The following VPS8 variants were observed in gnomAD, a reference collection of about 807,000 sequenced individuals.
The protein encoded by VPS8 is vacuolar protein sorting-associated protein 8 homolog.
In VPS8, 129 loss-of-function variants were observed where a neutral mutation model predicts 216.4. That is an observed-to-expected ratio of 0.60 (90% CI 0.52 to 0.69). The LOEUF (loss-of-function observed/expected upper bound fraction) is 0.69. Among genes scored for constraint, VPS8 ranks in the 30% least tolerant of loss-of-function variants. The pLI is 0.00. For missense variants in VPS8, 1,531 were observed against 1,683.5 expected, an observed-to-expected ratio of 0.91 and a Z score of 1.59; for synonymous variants, 571 against 565.4, an observed-to-expected ratio of 1.01 and a Z score of -0.14.
At chr3:184,861,103 T>G (rs919965472) in intron 15 of VPS8, among the ~76,000 whole-genome samples, 1 of 152,226 alleles carries the variant, frequency 6.6e-6, no homozygotes, top group Non-Finnish European at 1.5e-5. Flanking sequence ...ATTACAGGCA[T>G]GAGCCACCGC....
chr3:184,937,549 G>A (rs773564776), intron 35 of VPS8, among the ~76,000 whole-genome samples: 6 of 152,190 alleles, frequency 3.9e-5, no homozygotes, highest in South Asian at 2.1e-4. Flanking sequence ...TTATAGTCCA[G>A]TGTTGAAAGA....
intron 40 of VPS8, among the ~76,000 whole-genome samples, chr3:184,978,251 T>A (rs1206890325): frequency 6.6e-6 from 1 of 152,140 alleles, no homozygotes; most frequent in Non-Finnish European, 1.5e-5. Flanking sequence ...CTCTGAGGGC[T>A]ATTTTTTATA....
chr3:184,986,223 G>C (rs2109790536), intron 42 of VPS8, among the ~76,000 whole-genome samples: 1 of 152,240 alleles, frequency 6.6e-6, no homozygotes, highest in African/African-American at 2.4e-5. Context: ...AAGGAGGTAG[G>C]ATTATTCTAT....
intron 42 of VPS8, among the ~76,000 whole-genome samples, chr3:184,985,696 T>C (rs1317461758): frequency 6.6e-6 from 1 of 152,206 alleles, no homozygotes; most frequent in East Asian, 1.9e-4. Context: ...CAGTGTGCTT[T>C]CCAGGACATT....
intron 36 of VPS8, among the ~76,000 whole-genome samples, chr3:184,956,613 G>T (rs1745647706): frequency 6.6e-6 from 1 of 152,114 alleles, no homozygotes; most frequent in Non-Finnish European, 1.5e-5. Flanking sequence ...TGATTCTTAG[G>T]TCTCCAATGA....
intron 45 of VPS8, among the ~76,000 whole-genome samples, chr3:185,017,182 G>A (rs773149156): frequency 2.0e-5 from 3 of 151,966 alleles, no homozygotes; most frequent in Non-Finnish European, 2.9e-5. Context: ...GTTGTCCATC[G>A]GGCCCTTCAC....
intron 3 of VPS8, among the ~76,000 whole-genome samples, chr3:184,828,388 C>T (rs754140331): frequency 1.3e-5 from 2 of 152,132 alleles, no homozygotes; most frequent in African/African-American, 2.4e-5. Context: ...ATCTGCGGGC[C>T]TCGGCCTCCC....
chr3:184,992,033 C>A (rs1417256892), intron 42 of VPS8, among the ~76,000 whole-genome samples: 1 of 152,152 alleles, frequency 6.6e-6, no homozygotes, highest in South Asian at 2.1e-4. Flanking sequence ...TTCAGCATAA[C>A]CCTAGCAGTT....
At chr3:184,940,284 A>ATATATATG (rs1201686722) in intron 36 of VPS8, 41 bp downstream of exon 36, 5 of 806,068 alleles carry the variant, frequency 6.2e-6, no homozygotes, top group Non-Finnish European at 6.7e-6. Context: ...ATATATATAT[A>ATATATATG]TATATGAGAA....
At chr3:184,988,456 G>T (rs1268037256) in intron 42 of VPS8, among the ~76,000 whole-genome samples, 5 of 152,114 alleles carry the variant, frequency 3.3e-5, no homozygotes, top group Non-Finnish European at 5.9e-5. Flanking sequence ...AATTGCCTTT[G>T]CTTAGTTTAC....
At chr3:184,818,867 A>G (rs970523920) in intron 1 of VPS8, among the ~76,000 whole-genome samples, 2 of 142,178 alleles carry the variant, frequency 1.4e-5, no homozygotes, top group African/African-American at 6.2e-5. Flanking sequence ...ATGTTTCCCA[A>G]GGTGAAAACT....
intron 22 of VPS8, among the ~76,000 whole-genome samples, chr3:184,888,566 T>A (rs538291182): frequency 6.6e-6 from 1 of 152,310 alleles, no homozygotes; most frequent in Non-Finnish European, 1.5e-5. Flanking sequence ...AAAGCAGCCT[T>A]AATAGGTTAT....
rs757160209 is a variant in VPS8, at chr3:184,855,752, A to G, written c.1077A>G (p.Val359=). 6.2e-6 allele frequency: 10 copies of G among 1,613,536 alleles called. No homozygotes were observed. In the East Asian group the frequency reaches 2.0e-4, roughly 32 times the overall value. The change falls in exon 14 of 48, where the codon GTA becomes GTG. Residue 359 remains valine (V), a synonymous_variant. Coordinates refer to ENST00000625842, the MANE Select transcript of VPS8 (RefSeq NM_001009921.3). The part of the protein sequence containing the change: ...SSVPLLAWHF[V]AVQNYVNPML... ...TGCCACTGCTGGCCTGGCACTTTGT[A>G]GCAGTACAAAATTACGTGAATCCCA...
intron 36 of VPS8, chr3:184,944,560 C>T: frequency 1.0e-6 from 1 of 985,300 alleles, no homozygotes; most frequent in Non-Finnish European, 1.2e-6. Flanking sequence ...TTTGTGAGGC[C>T]ATGAGCTGCA....
chr3:185,022,271 A>G (rs1489482334), intron 45 of VPS8, among the ~76,000 whole-genome samples: 2 of 152,210 alleles, frequency 1.3e-5, no homozygotes, highest in Non-Finnish European at 2.9e-5. Context: ...AACTGAGTCA[A>G]TTAAACCTCT....
At chr3:185,005,093 C>T (rs988050811) in intron 45 of VPS8, among the ~76,000 whole-genome samples, 34 of 152,132 alleles carry the variant, frequency 2.2e-4, no homozygotes, top group African/African-American at 8.0e-4. Flanking sequence ...CTACATGTGG[C>T]TTGCCAATTA....
chr3:184,910,031 T>C (rs1736186918), intron 25 of VPS8, among the ~76,000 whole-genome samples: 1 of 152,086 alleles, frequency 6.6e-6, no homozygotes. Context: ...TCTGCTTTGA[T>C]TCTGATCCAC....
At chr3:184,850,818 G>C (rs1176048474) in intron 10 of VPS8, among the ~76,000 whole-genome samples, 1 of 152,148 alleles carries the variant, frequency 6.6e-6, no homozygotes, top group Non-Finnish European at 1.5e-5. Flanking sequence ...AGCATCTGGA[G>C]TTTGTATGTC....
intron 3 of VPS8, among the ~76,000 whole-genome samples, chr3:184,830,938 G>A (rs555731387): frequency 4.6e-5 from 7 of 152,314 alleles, no homozygotes; most frequent in African/African-American, 1.7e-4. Flanking sequence ...AGATTTTGGA[G>A]TCATTAGATA....
Sources: allele counts gnomAD v4.1 joint callset (sites outside exome capture counted in the v4.1 genomes callset), GRCh38; gene constraint gnomAD v4.1.1; transcripts MANE v1.5; gene names NCBI Gene and HGNC (gene_info 2026-07-23, HGNC 2026-07-21).